The following NETO1 variants were observed in gnomAD, a reference collection of about 807,000 sequenced individuals.
The protein encoded by NETO1 is neuropilin and tolloid like 1.
A neutral mutation model predicts 61.3 loss-of-function variants in NETO1; 26 were observed. The observed-to-expected ratio is 0.42, with a 90% CI of 0.31 to 0.59. The LOEUF is 0.59. NETO1 is among the 20% of genes least tolerant of loss of function. The pLI, the probability that NETO1 is intolerant of heterozygous loss-of-function variation, is 0.12. For synonymous variants in NETO1, 225 were observed against 225.8 expected (o/e 1.00, Z 0.03); for missense variants, 531 against 662.8 (o/e 0.80, Z 2.18).
intron 4 of NETO1, among the ~76,000 whole-genome samples, chr18:72,847,898 G>A (rs565778986): frequency 6.6e-6 from 1 of 152,278 alleles, no homozygotes; most frequent in East Asian, 1.9e-4. Flanking sequence ...CACAGTTTTA[G>A]CAGAGCTGTG....
chr18:72,748,975 A>T, intron 10 of NETO1, 39 bp downstream of exon 10: 1 of 1,265,846 alleles, frequency 7.9e-7, no homozygotes, highest in Non-Finnish European at 1.2e-6. Flanking sequence ...AAAACAGAAT[A>T]CGACAAAGTA....
chr18:72,819,397 C>G (rs1322396684), intron 4 of NETO1, among the ~76,000 whole-genome samples: 1 of 152,122 alleles, frequency 6.6e-6, no homozygotes, highest in East Asian at 1.9e-4. Flanking sequence ...TCTATAATTG[C>G]TGAAATTCTG....
chr18:72,750,684 A>T (rs754337465), intron 8 of NETO1, 64 bp from the exon 9 acceptor site: 3 of 1,182,358 alleles, frequency 2.5e-6, no homozygotes, highest in Non-Finnish European at 2.3e-6. Flanking sequence ...GCAAACATTA[A>T]TATTATAGTC....
At chr18:72,817,010 C>T (rs1480826078) in intron 4 of NETO1, among the ~76,000 whole-genome samples, 1 of 152,114 alleles carries the variant, frequency 6.6e-6, no homozygotes, top group Non-Finnish European at 1.5e-5. Flanking sequence ...CCAGGGGGCA[C>T]CCTCCGGTAC....
chr18:72,803,291 G>A lies in NETO1; in HGVS notation c.470-8887C>T, dbSNP rs73471823. Among the ~76,000 whole-genome samples, 456 of 152,270 alleles carry A rather than the reference G, an allele frequency of 3.0e-3. 1 individual carries two copies. Among genetic ancestry groups the A allele is most frequent in the African/African-American group, 0.01 (427 of 41,552 alleles). On this transcript the variant is annotated intron_variant, in intron 4 of 10. Transcript: ENST00000327305. The stretch of plus-strand genomic sequence containing the variant: ...ATTTGTGTCAACATTTAGCAGTTCT[G>A]CATAATAGTAATCCAATAACTGCCA...
At chr18:72,859,758 G>A (rs1244013246) in intron 3 of NETO1, among the ~76,000 whole-genome samples, 1 of 152,056 alleles carries the variant, frequency 6.6e-6, no homozygotes, top group Non-Finnish European at 1.5e-5. Flanking sequence ...ACACTTTCAT[G>A]GATTTTCTTA....
chr18:72,862,208 T>C lies in NETO1; in HGVS notation c.220+2600A>G, dbSNP rs373318806. ...AAGGTTACTACAATATAATGGTGGC[T>C]GGGGCTCTATCTAAGGTTAATTAAA... On this transcript the variant is annotated intron_variant, in intron 3 of 10. Transcript: ENST00000327305. Among the ~76,000 whole-genome samples, 316 of 152,308 alleles carry C rather than the reference T, an allele frequency of 2.1e-3. 2 individuals carry two copies. Among genetic ancestry groups the C allele is most frequent in the Non-Finnish European group, 2.8e-3 (188 of 68,020 alleles).
At chr18:72,804,119 T>C (rs941050956) in intron 4 of NETO1, among the ~76,000 whole-genome samples, 2 of 152,130 alleles carry the variant, frequency 1.3e-5, no homozygotes, top group East Asian at 1.9e-4. Context: ...TGAATATTAC[T>C]TAATAAATAG....
intron 1 of NETO1, 24 bp downstream of exon 1, chr18:72,867,240 G>C: frequency 2.6e-6 from 4 of 1,527,160 alleles, no homozygotes; most frequent in South Asian, 1.3e-5. Context: ...GGGAGCGCAC[G>C]GGCGCGGCGG....
At chr18:72,842,395 T>C (rs994142581) in intron 4 of NETO1, among the ~76,000 whole-genome samples, 2 of 152,170 alleles carry the variant, frequency 1.3e-5, no homozygotes, top group East Asian at 3.8e-4. Flanking sequence ...TAATATTGAT[T>C]ATTATTTTTG....
At chr18:72,757,189 A>C (rs2070811567) in intron 7 of NETO1, among the ~76,000 whole-genome samples, 1 of 152,168 alleles carries the variant, frequency 6.6e-6, no homozygotes, top group South Asian at 2.1e-4. Context: ...TGATTGACAA[A>C]TGAAGATATA....
intron 4 of NETO1, among the ~76,000 whole-genome samples, chr18:72,824,748 G>A (rs1436863886): frequency 6.6e-6 from 1 of 151,316 alleles, no homozygotes; most frequent in Non-Finnish European, 1.5e-5. Context: ...TCATGGTGGT[G>A]CATGCCTGTA....
chr18:72,832,442 T>G (rs1174139723), intron 4 of NETO1, among the ~76,000 whole-genome samples: 2 of 152,208 alleles, frequency 1.3e-5, no homozygotes, highest in African/African-American at 4.8e-5. Context: ...CAGATTTTAT[T>G]TACCTACATT....
chr18:72,783,654 A>C, intron 7 of NETO1, 24 bp downstream of exon 7: 1 of 1,604,634 alleles, frequency 6.2e-7, no homozygotes, highest in Non-Finnish European at 8.5e-7. Context: ...CGAAGGAAAA[A>C]TAGTCAAGTG....
chr18:72,780,676 G>A (rs1015689097), intron 7 of NETO1, among the ~76,000 whole-genome samples: 11 of 152,092 alleles, frequency 7.2e-5, no homozygotes, highest in African/African-American at 2.7e-4. Flanking sequence ...CAACTCACAA[G>A]ATGAACATTT....
chr18:72,786,999 C>A (rs1345205067), intron 6 of NETO1, among the ~76,000 whole-genome samples: 1 of 150,236 alleles, frequency 6.7e-6, no homozygotes, highest in East Asian at 2.0e-4. Context: ...AATGTGGAAA[C>A]CTTAAAAAGG....
At chr18:72,851,803 C>G (rs191999214) in intron 4 of NETO1, among the ~76,000 whole-genome samples, 1 of 152,028 alleles carries the variant, frequency 6.6e-6, no homozygotes, top group Non-Finnish European at 1.5e-5. Flanking sequence ...TTAATATAAC[C>G]GTACTAAAAT....
rs2072574256 is a variant in NETO1, at chr18:72,803,524, T to C, written c.470-9120A>G. Among the ~76,000 whole-genome samples the C allele has an allele frequency of 5.9e-5, 9 of 152,278 alleles. No individual in the cohort carries two copies. The South Asian group carries it at 1.9e-3, about 32-fold the overall frequency. The stretch of plus-strand genomic sequence containing the variant: ...AATAATCACCCCTCCCTGAAAAGGC[T>C]CTTAAAATACTCTCCTGGCCAGGAG... On this transcript the variant is annotated intron_variant, in intron 4 of 10. Coordinates refer to ENST00000327305, the MANE Select transcript of NETO1 (RefSeq NM_138966.5).
Position 72,867,801 on chromosome 18 carries a change from G to T in NETO1, c.-510C>A, listed in dbSNP as rs1045127171. On this transcript the variant is annotated 5_prime_UTR_variant, in exon 1 of 11. Transcript: ENST00000327305. ...GGGCGGCGGCGGCGGCGCCGGCGGC[G>T]GCGGGGTGGCTCAGTCCCCAGTCTC... 3 of 157,130 alleles carry T rather than the reference G, an allele frequency of 1.9e-5. No individual in the cohort carries two copies. The highest frequency in any genetic ancestry group is 1.8e-4 in the South Asian group (1 of 5,714). The allele number at this position is 157,130 out of a possible 1,614,324, so 9.7% of individuals were successfully genotyped here. A position where few individuals can be genotyped will look rare whatever the true frequency, so the allele number is the denominator to read the frequency against.
Sources: gnomAD v4.1 joint callset for allele counts (sites outside exome capture counted in the v4.1 genomes callset) on GRCh38, gnomAD v4.1.1 for gene constraint, MANE v1.5 for transcripts, NCBI Gene and HGNC (gene_info 2026-07-23, HGNC 2026-07-21) for gene names.